Variants in INTS3 observed in about 807,000 individuals in gnomAD.
The protein encoded by INTS3 is SOSS complex subunit A.
Under a neutral mutation model 146.3 loss-of-function variants are expected in INTS3, and 34 were observed. The observed-to-expected ratio is 0.23, with a 90% CI of 0.18 to 0.31. The LOEUF (loss-of-function observed/expected upper bound fraction) is 0.31, where lower values mean the gene tolerates loss of function less well. Among genes scored for constraint, INTS3 ranks in the 10% least tolerant of loss-of-function variants. The pLI is 1.00. For missense variants in INTS3, 757 were observed against 1,304.2 expected, an observed-to-expected ratio of 0.58 and a Z score of 6.46; for synonymous variants, 475 against 494.9, an observed-to-expected ratio of 0.96 and a Z score of 0.53.
At chr1:153,765,883 A>G (rs1364308535) in intron 20 of INTS3, among the ~76,000 whole-genome samples, 1 of 152,064 alleles carries the variant, frequency 6.6e-6, no homozygotes, top group African/African-American at 2.4e-5. Context: ...ATAATTTTTT[A>G]GTATATTCAC....
chr1:153,735,311 A>G (rs1354094610), intron 1 of INTS3, among the ~76,000 whole-genome samples: 1 of 152,128 alleles, frequency 6.6e-6, no homozygotes, highest in African/African-American at 2.4e-5. Flanking sequence ...GCTGTATGCT[A>G]GGTGCTTTCA....
Position 153,757,784 on chromosome 1 carries a change from G to T in INTS3, c.1149+21G>T, listed in dbSNP as rs1207795577. On this transcript the variant is annotated intron_variant, in intron 10 of 29. Coordinates refer to ENST00000318967, the MANE Select transcript of INTS3 (RefSeq NM_023015.5). This position sits in a 1 kb window ranked among gnomAD's most constrained non-coding sequence, Gnocchi z 4.0. ...GCACGGTGAGGGCAAAAGATACTGG[G>T]TGGTGAAGGGTGCCTCTTCCATGGT... 1 of 1,600,626 alleles carries T rather than the reference G, an allele frequency of 6.2e-7. No homozygotes were observed. Among genetic ancestry groups the T allele is most frequent in the African/African-American group, 1.3e-5 (1 of 74,628 alleles).
At chr1:153,735,117 C>T (rs1344270880) in intron 1 of INTS3, among the ~76,000 whole-genome samples, 2 of 152,058 alleles carry the variant, frequency 1.3e-5, no homozygotes, top group Admixed American at 1.3e-4. Context: ...ATAGGCACGC[C>T]ACCACACCCA....
intron 1 of INTS3, 80 bp downstream of exon 1, chr1:153,728,864 G>A (rs868776225): frequency 2.3e-5 from 13 of 558,924 alleles, no homozygotes; most frequent in African/African-American, 4.1e-5. Context: ...GGGAGGACGG[G>A]GGGTGGGGGC....
At chr1:153,733,197 CTTTTTTTTTTTTT>C (rs60492889) in intron 1 of INTS3, among the ~76,000 whole-genome samples, 1 of 42,758 alleles carries the variant, frequency 2.3e-5, no homozygotes, top group Non-Finnish European at 4.1e-5. Flanking sequence ...TTACCGAATG[CTTTTTTTTTTTTT>C]TTTTTTTTTT....
At chr1:153,745,732 C>T (rs1362303047) in intron 3 of INTS3, among the ~76,000 whole-genome samples, 2 of 151,914 alleles carry the variant, frequency 1.3e-5, no homozygotes, top group African/African-American at 2.4e-5. Flanking sequence ...CCTTACCTCC[C>T]CCAGGATTTG....
chr1:153,770,335 G>A, intron 24 of INTS3, 24 bp downstream of exon 24: 1 of 1,384,120 alleles, frequency 7.2e-7, no homozygotes, highest in Non-Finnish European at 1.0e-6. Flanking sequence ...TGGGTAGGGA[G>A]CACATCAGAT....
chr1:153,740,875 T>C (rs1195392827), intron 2 of INTS3, 141 bp downstream of exon 2: 2 of 707,798 alleles, frequency 2.8e-6, no homozygotes, highest in African/African-American at 1.8e-5. Context: ...AATTTCTCAA[T>C]TCTTCTCTTT....
In INTS3 at chr1:153,728,259, G is replaced by T; in HGVS notation, c.-376G>T. On this transcript the variant is annotated 5_prime_UTR_variant, in exon 1 of 30. Coordinates refer to ENST00000318967, the MANE Select transcript of INTS3 (RefSeq NM_023015.5). ...GGCAGGACTCCTCTTTTCCCCCCAC[G>T]GGGAAAAGAGGCAGAAACTTAGGGG... 1 of 389,132 alleles carries T rather than the reference G, an allele frequency of 2.6e-6. No homozygotes were observed. The highest frequency in any genetic ancestry group is 1.3e-4 in the South Asian group (1 of 7,806). 24.1% of individuals were successfully genotyped at this position (389,132 alleles called of 1,614,324 possible).
At chr1:153,746,587 G>A (rs1014557066) in intron 3 of INTS3, among the ~76,000 whole-genome samples, 7 of 152,202 alleles carry the variant, frequency 4.6e-5, no homozygotes, top group Non-Finnish European at 8.8e-5. Flanking sequence ...ATTTTTAGTA[G>A]AGACGGGGTT....
intron 1 of INTS3, among the ~76,000 whole-genome samples, chr1:153,730,525 G>C (rs1671023768): frequency 6.6e-6 from 1 of 152,278 alleles, no homozygotes; most frequent in South Asian, 2.1e-4. Flanking sequence ...TCCCCACCCT[G>C]ATTCTTAGAG....
intron 1 of INTS3, among the ~76,000 whole-genome samples, chr1:153,736,887 C>A (rs1016778328): frequency 6.6e-6 from 1 of 151,542 alleles, no homozygotes; most frequent in Non-Finnish European, 1.5e-5. Context: ...CCTCAGCTTC[C>A]TGAGTAGCTG....
intron 20 of INTS3, chr1:153,766,647 TTTAA>T (rs1367478348): frequency 6.6e-6 from 1 of 152,078 alleles, no homozygotes; most frequent in Non-Finnish European, 1.5e-5. Flanking sequence ...TGTTCCTATT[TTTAA>T]TTGAGTTATT....
Position 153,765,098 on chromosome 1 carries a change from G to A in INTS3, c.2090+35G>A, listed in dbSNP as rs761254552. 4.3e-6 allele frequency: 7 copies of A among 1,612,204 alleles called. No homozygotes were observed. The African/African-American group carries it at 5.3e-5, about 12-fold the overall frequency. On this transcript the variant is annotated intron_variant, in intron 20 of 29. Coordinates refer to ENST00000318967, the MANE Select transcript of INTS3 (RefSeq NM_023015.5). The stretch of plus-strand genomic sequence containing the variant: ...GTCCCCATGTTTCAAATGGTGTCAG[G>A]ACACATCCTGGAGAGCCTCTCTTCC...
chr1:153,737,650 C>T (rs1412883673), intron 1 of INTS3, among the ~76,000 whole-genome samples: 1 of 152,108 alleles, frequency 6.6e-6, no homozygotes, highest in East Asian at 1.9e-4. Flanking sequence ...AGGTGCGCGC[C>T]ACCACACCTG....
At chr1:153,741,498 G>GT in intron 3 of INTS3, 130 bp downstream of exon 3, 1 of 659,636 alleles carries the variant, frequency 1.5e-6, no homozygotes, top group Non-Finnish European at 2.7e-6. Context: ...TCCAAATATA[G>GT]TTACAAGTCC....
Position 153,773,074 on chromosome 1 carries a change from G to C in INTS3, c.3044G>C (p.Ser1015Thr). 6.2e-7 allele frequency: 1 copy of C among 1,614,200 alleles called. No individual in the cohort carries two copies. Among genetic ancestry groups the C allele is most frequent in the Non-Finnish European group, 8.5e-7 (1 of 1,180,034 alleles). ...PNAEEESGSS[S>T]ASEEEDTKPK... The stretch of plus-strand genomic sequence containing the variant: ...GCCGAAGAAGAGTCGGGCTCCAGCA[G>C]TGCTTCAGTGAGAACCCAGCCAGTG... The change falls in exon 29 of 30, where the codon AGT (serine) becomes ACT (threonine). Residue 1015 changes from serine (S) to threonine (T), a missense_variant. Physicochemically the swap from Ser to Thr is moderately conservative, Grantham distance 58. Coordinates refer to ENST00000318967, the MANE Select transcript of INTS3 (RefSeq NM_023015.5).
chr1:153,731,743 G>A (rs1263253866), intron 1 of INTS3, among the ~76,000 whole-genome samples: 6 of 149,068 alleles, frequency 4.0e-5, no homozygotes, highest in Non-Finnish European at 8.9e-5. Context: ...CTGCCACCAC[G>A]CCCGGCTAAT....
chr1:153,739,461 G>T (rs1172862895), intron 1 of INTS3, among the ~76,000 whole-genome samples: 1 of 151,830 alleles, frequency 6.6e-6, no homozygotes, highest in East Asian at 2.0e-4. Context: ...TCCTGCCTCA[G>T]CCTCCCGAGT....
Sources: gnomAD v4.1 joint callset for allele counts (sites outside exome capture counted in the v4.1 genomes callset) on GRCh38, gnomAD v4.1.1 for gene constraint, Gnocchi (gnomAD v3.1) non-coding constraint, MANE v1.5 for transcripts, NCBI Gene and HGNC (gene_info 2026-07-23, HGNC 2026-07-21) for gene names.